Variants in TP63 observed in about 807,000 individuals in gnomAD.
TP63 encodes the protein tumor protein p63, also known as tumor protein 63.
A neutral mutation model predicts 82.8 loss-of-function variants in TP63; 17 were observed. The observed-to-expected ratio is 0.21, with a 90% CI of 0.14 to 0.31. TP63 has a LOEUF of 0.31. Ranked by LOEUF, TP63 falls within the 10% of genes least tolerant of loss-of-function variation. The pLI is 1.00. For synonymous variants in TP63, 330 were observed against 321.7 expected (o/e 1.03, Z -0.28); for missense variants, 648 against 895.3 (o/e 0.72, Z 3.52).
At chr3:189,661,455 C>T (rs949673382) in intron 1 of TP63, among the ~76,000 whole-genome samples, 7 of 151,996 alleles carry the variant, frequency 4.6e-5, no homozygotes, top group Admixed American at 3.3e-4. Context: ...CTTTTTGATG[C>T]GCTGCTGGAT....
At chr3:189,686,920 G>A (rs948016116) in intron 1 of TP63, among the ~76,000 whole-genome samples, 19 of 151,854 alleles carry the variant, frequency 1.3e-4, no homozygotes, top group African/African-American at 2.2e-4. Context: ...TAGTAGAGAC[G>A]GGGTTTCTCC....
At chr3:189,628,514 A>G (rs1387759524), upstream of TP63, among the ~76,000 whole-genome samples, 1 of 152,132 alleles carries the variant, frequency 6.6e-6, no homozygotes, top group Non-Finnish European at 1.5e-5. Context: ...CAAGTCCAAA[A>G]CACCTTTCCT....
the TP63 span, among the ~76,000 whole-genome samples, chr3:189,611,267 A>G: frequency 1.3e-5 from 2 of 152,046 alleles, no homozygotes; most frequent in Admixed American, 6.6e-5. Context: ...CAGGGTTTTT[A>G]TAGTTTTGGG....
intron 3 of TP63, among the ~76,000 whole-genome samples, chr3:189,770,700 T>C (rs1312086516): frequency 6.6e-6 from 1 of 152,206 alleles, no homozygotes; most frequent in African/African-American, 2.4e-5. Flanking sequence ...TTAAAGAACA[T>C]TTTTCTCTGA....
chr3:189,733,396 G>A (rs1720316707), intron 1 of TP63, among the ~76,000 whole-genome samples: 1 of 152,070 alleles, frequency 6.6e-6, no homozygotes, highest in South Asian at 2.1e-4. Context: ...CTACATTTCT[G>A]CCAACTTAAA....
At chr3:189,790,934 T>C (rs1339885836) in intron 3 of TP63, among the ~76,000 whole-genome samples, 1 of 152,172 alleles carries the variant, frequency 6.6e-6, no homozygotes, top group African/African-American at 2.4e-5. Flanking sequence ...TCTAGACTCC[T>C]GAACTGTGTA....
intron 4 of TP63, among the ~76,000 whole-genome samples, chr3:189,857,981 G>A (rs1716499469): frequency 6.6e-6 from 1 of 152,118 alleles, no homozygotes; most frequent in African/African-American, 2.4e-5. Flanking sequence ...TCACTACTAG[G>A]CATTTATCCA....
At position 189,745,311 on chromosome 3, in the gene TP63, T is replaced by G. The variant is rs551131505; in HGVS notation, c.324+6537T>G. Among the ~76,000 whole-genome samples the G allele has an allele frequency of 4.1e-4, 63 of 152,302 alleles. No homozygotes were observed. The South Asian group carries it at 0.011, about 28-fold the overall frequency. On this transcript the variant is annotated intron_variant, in intron 3 of 13. Coordinates refer to ENST00000264731, the MANE Select transcript of TP63 (RefSeq NM_003722.5). Reference sequence around the variant, plus strand: ...ATTCTTAAATTCAAAATATTGATACTGAGAAGCTCAGTGAGATATAGGAGA... The same window carrying G: ...ATTCTTAAATTCAAAATATTGATACGGAGAAGCTCAGTGAGATATAGGAGA...
intron 4 of TP63, among the ~76,000 whole-genome samples, chr3:189,862,297 A>G (rs1465985230): frequency 6.6e-6 from 1 of 152,148 alleles, no homozygotes; most frequent in African/African-American, 2.4e-5. Context: ...AACTCAGTAA[A>G]CGATGAAGCT....
intron 1 of TP63, among the ~76,000 whole-genome samples, chr3:189,633,637 T>G (rs1729595693): frequency 6.6e-6 from 1 of 152,118 alleles, no homozygotes; most frequent in Non-Finnish European, 1.5e-5. Context: ...TTAATCATGG[T>G]GCCTGATACT....
At chr3:189,697,593 C>G (rs1317783704) in intron 1 of TP63, among the ~76,000 whole-genome samples, 3 of 151,890 alleles carry the variant, frequency 2.0e-5, no homozygotes, top group Non-Finnish European at 4.4e-5. Flanking sequence ...AATAAATAAC[C>G]TTCCAGGATT....
At chr3:189,802,840 G>A (rs1186006147) in intron 3 of TP63, among the ~76,000 whole-genome samples, 1 of 152,130 alleles carries the variant, frequency 6.6e-6, no homozygotes, top group African/African-American at 2.4e-5. Context: ...TGGTTGAATC[G>A]AGATAAGTTA....
In TP63 at chr3:189,652,251, G is replaced by T. The variant is rs1712958333; in HGVS notation, c.62+20674G>T. Among the ~76,000 whole-genome samples, 2 of 147,090 alleles carry T rather than the reference G, an allele frequency of 1.4e-5. 1 individual carries two copies. Among genetic ancestry groups the T allele is most frequent in the Non-Finnish European group, 3.0e-5 (2 of 67,332 alleles). On this transcript the variant is annotated intron_variant, in intron 1 of 13. Coordinates refer to ENST00000264731, the MANE Select transcript of TP63 (RefSeq NM_003722.5). ...CTGTACCCTGCAAAGCCACAAGGTGGAGCTGTCCAAATCCATGGGAGCCCA... is the reference window on the plus strand; with the variant it reads ...CTGTACCCTGCAAAGCCACAAGGTGTAGCTGTCCAAATCCATGGGAGCCCA...
At chr3:189,661,555 G>A (rs150436259) in intron 1 of TP63, among the ~76,000 whole-genome samples, 178 of 151,906 alleles carry the variant, frequency 1.2e-3, no homozygotes, top group African/African-American at 3.8e-3. Context: ...TTGCCTTTGC[G>A]AGCTTTTGGT....
intron 7 of TP63, 44 bp downstream of exon 7, chr3:189,867,986 G>A (rs951395235): frequency 1.1e-5 from 17 of 1,515,086 alleles, no homozygotes; most frequent in East Asian, 2.3e-5. Context: ...AAAAAATCAC[G>A]AGCAGAGGGC....
At chr3:189,869,997 A>G (rs1718223949) in intron 9 of TP63, among the ~76,000 whole-genome samples, 1 of 152,168 alleles carries the variant, frequency 6.6e-6, no homozygotes, top group Non-Finnish European at 1.5e-5. Flanking sequence ...GAGCTTCTCT[A>G]CTTACCTACC....
chr3:189,828,998 T>C (rs887180621), intron 4 of TP63, among the ~76,000 whole-genome samples: 3 of 152,234 alleles, frequency 2.0e-5, no homozygotes, highest in African/African-American at 7.2e-5. Context: ...TCGTGGTTGG[T>C]CCTCAGTGAA....
intron 1 of TP63, among the ~76,000 whole-genome samples, chr3:189,683,988 G>C (rs768681313): frequency 9.9e-5 from 15 of 152,086 alleles, no homozygotes; most frequent in Non-Finnish European, 4.4e-5. Flanking sequence ...TTACACCCTG[G>C]ACATCTGCAG....
intron 13 of TP63, among the ~76,000 whole-genome samples, chr3:189,891,899 T>C (rs1352535727): frequency 1.3e-5 from 2 of 152,072 alleles, no homozygotes; most frequent in Non-Finnish European, 2.9e-5. Flanking sequence ...TGGGGACTCT[T>C]TTTTCCCCCT....
Sources: allele counts gnomAD v4.1 joint callset (sites outside exome capture counted in the v4.1 genomes callset), GRCh38; gene constraint gnomAD v4.1.1; transcripts MANE v1.5; gene names NCBI Gene and HGNC (gene_info 2026-07-23, HGNC 2026-07-21).